LRRC9: variants seen among roughly 807,000 people sequenced by gnomAD.
The protein encoded by LRRC9 is leucine-rich repeat-containing protein 9.
In LRRC9, 122 loss-of-function variants were observed where a neutral mutation model predicts 63.2. The observed-to-expected ratio is 1.93, with a 90% CI of 1.67 to 2.24. The LOEUF (loss-of-function observed/expected upper bound fraction) is 2.24, where lower values mean the gene tolerates loss of function less well. Among genes scored for constraint, LRRC9 ranks in the 30% most tolerant of loss-of-function variants. The pLI is 0.00. For synonymous variants in LRRC9, 366 were observed against 213.1 expected, an observed-to-expected ratio of 1.72 and a Z score of -6.25; for missense variants, 1,071 against 627.7, an observed-to-expected ratio of 1.71 and a Z score of -7.55.
intron 17 of LRRC9, among the ~76,000 whole-genome samples, chr14:59,994,203 T>C (rs1401843406): frequency 6.6e-6 from 1 of 151,700 alleles, no homozygotes; most frequent in Non-Finnish European, 1.5e-5. Context: ...GGGCAAAGGA[T>C]ATGAACAGAC....
At chr14:60,014,442 CTGG>C (rs1205010003) in intron 23 of LRRC9, among the ~76,000 whole-genome samples, 1 of 151,404 alleles carries the variant, frequency 6.6e-6, no homozygotes, top group Non-Finnish European at 1.5e-5. Flanking sequence ...GGTAGTTCTG[CTGG>C]TAACAGTTTG....
chr14:60,019,500 A>G (rs542021128), intron 26 of LRRC9, among the ~76,000 whole-genome samples: 12 of 152,038 alleles, frequency 7.9e-5, no homozygotes, highest in Admixed American at 3.3e-4. Flanking sequence ...GAATAAAGGG[A>G]AAAAACCAAA....
At position 59,984,206 on chromosome 14, in the gene LRRC9, C is replaced by T. The variant is rs566754252; in HGVS notation, c.2092-899C>T. On this transcript the variant is annotated intron_variant, in intron 16 of 31. Coordinates refer to ENST00000445360, the Ensembl canonical transcript of LRRC9. Reference sequence around the variant, plus strand: ...TATCATGGATGATACCCATATGTGACTTGTAAAATCACTAGTCTGCATAAA... The same window carrying T: ...TATCATGGATGATACCCATATGTGATTTGTAAAATCACTAGTCTGCATAAA... 1.1e-4 allele frequency among the ~76,000 whole-genome samples: 16 copies of T among 152,276 alleles called. No individual in the cohort carries two copies. In the South Asian group the frequency reaches 3.3e-3, roughly 32 times the overall value.
At chr14:59,943,255 C>T (rs943403620) in intron 7 of LRRC9, among the ~76,000 whole-genome samples, 1 of 151,974 alleles carries the variant, frequency 6.6e-6, no homozygotes, top group Non-Finnish European at 1.5e-5. Context: ...AGTATTTTCT[C>T]TCTTTTCTTC....
chr14:59,931,742 A>G (rs1889720835), intron 5 of LRRC9, 60 bp downstream of exon 5: 1 of 643,778 alleles, frequency 1.6e-6, no homozygotes. Context: ...ATCAATATAA[A>G]AAGTACATGC....
chr14:60,028,446 C>G, intron 28 of LRRC9, among the ~76,000 whole-genome samples: 1 of 152,050 alleles, frequency 6.6e-6, no homozygotes, highest in East Asian at 1.9e-4. Flanking sequence ...CCTTTGGCCC[C>G]TTAAACTTGT....
chr14:60,022,462 C>T (rs1283230799), intron 26 of LRRC9, among the ~76,000 whole-genome samples: 2 of 151,640 alleles, frequency 1.3e-5, no homozygotes, highest in African/African-American at 2.4e-5. Context: ...TACTCCTTTC[C>T]AATCTGGATG....
intron 26 of LRRC9, among the ~76,000 whole-genome samples, chr14:60,020,298 T>C (rs1310076893): frequency 6.6e-6 from 1 of 151,956 alleles, no homozygotes; most frequent in Non-Finnish European, 1.5e-5. Context: ...TATTTCATTT[T>C]ATTGCCGAAT....
At chr14:59,939,074 CAT>C (rs984650035) in intron 7 of LRRC9, among the ~76,000 whole-genome samples, 2 of 147,220 alleles carry the variant, frequency 1.4e-5, no homozygotes, top group African/African-American at 5.0e-5. Flanking sequence ...CGTATATACA[CAT>C]ATATACACAT....
Position 60,037,393 on chromosome 14 carries a change from G to A in LRRC9, c.3990+5330G>A, listed in dbSNP as rs571400310. ...TTACAGTCCCACCAACAGGGTAAAA[G>A]CGTTCCTATTTCTCCATATCCTCTC... On this transcript the variant is annotated intron_variant, in intron 29 of 31. Coordinates refer to ENST00000445360, the Ensembl canonical transcript of LRRC9. Among the ~76,000 whole-genome samples, 203 of 152,294 alleles carry A rather than the reference G, an allele frequency of 1.3e-3. 1 individual carries two copies. Among genetic ancestry groups the A allele is most frequent in the Non-Finnish European group, 2.4e-3 (164 of 68,034 alleles).
At chr14:59,992,418 A>G (rs754961546) in intron 17 of LRRC9, among the ~76,000 whole-genome samples, 1 of 152,218 alleles carries the variant, frequency 6.6e-6, no homozygotes, top group Non-Finnish European at 1.5e-5. Context: ...TTCTCGTCCA[A>G]AGGAACGCAG....
chr14:59,970,552 T>C (rs921991463), intron 12 of LRRC9, among the ~76,000 whole-genome samples: 2 of 152,210 alleles, frequency 1.3e-5, no homozygotes, highest in African/African-American at 4.8e-5. Context: ...CCATCAACAG[T>C]GTATAAGCAT....
chr14:59,997,566 G>T lies in LRRC9; in HGVS notation c.2212-90G>T, dbSNP rs781741106. On this transcript the variant is annotated intron_variant, in intron 17 of 31. Coordinates refer to ENST00000445360, the Ensembl canonical transcript of LRRC9. ...TGTCCTGTGAGGATTACCAGGAAGT[G>T]TGTAAAGTATGTAAAGAACCACAGA... The T allele has an allele frequency of 1.5e-5, 9 of 586,080 alleles. No homozygotes were observed. The African/African-American group carries it at 1.7e-4, about 11-fold the overall frequency. 36.3% of individuals were successfully genotyped at this position (586,080 alleles called of 1,614,324 possible). A position where few individuals can be genotyped will look rare whatever the true frequency, so the allele number is the denominator to read the frequency against.
intron 21 of LRRC9, among the ~76,000 whole-genome samples, chr14:60,005,950 G>C (rs1049893591): frequency 6.6e-6 from 1 of 152,028 alleles, no homozygotes; most frequent in African/African-American, 2.4e-5. Context: ...GTAAAAGTAG[G>C]CTAGATTGTT....
chr14:60,037,598 C>A (rs1019809273), intron 29 of LRRC9, among the ~76,000 whole-genome samples: 3 of 152,158 alleles, frequency 2.0e-5, no homozygotes, highest in Admixed American at 2.0e-4. Context: ...CCTTTGCCCA[C>A]TTTTTGATGG....
At chr14:60,022,969 C>T (rs562051778) in intron 27 of LRRC9, 99 bp downstream of exon 27, 60 of 418,254 alleles carry the variant, frequency 1.4e-4, no homozygotes, top group African/African-American at 1.1e-3. Context: ...AGTATTTACT[C>T]AAACATTCAT....
At chr14:59,931,935 A>G (rs1307560386) in intron 5 of LRRC9, 34 bp from the exon 6 acceptor site, 1 of 695,644 alleles carries the variant, frequency 1.4e-6, no homozygotes, top group Non-Finnish European at 2.6e-6. Context: ...ACAGAAGGTA[A>G]AATAATTGAA....
At chr14:59,982,977 G>C (rs1001921293) in intron 16 of LRRC9, among the ~76,000 whole-genome samples, 1 of 152,120 alleles carries the variant, frequency 6.6e-6, no homozygotes, top group Non-Finnish European at 1.5e-5. Context: ...TGGAAATCAG[G>C]TTACTTATTA....
Position 59,932,102 on chromosome 14 carries a change from A to G in LRRC9, c.543+63A>G. On this transcript the variant is annotated intron_variant, in intron 6 of 31. Coordinates refer to ENST00000445360, the Ensembl canonical transcript of LRRC9. The surrounding 1 kb of genome is among the most constrained non-coding windows in gnomAD (Gnocchi z 4.7). ...CCTGAATCATGAACCATTGTGTTGCAGAAACTGTACTAAAAAGTCCCCCAT... is the reference window on the plus strand; with the variant it reads ...CCTGAATCATGAACCATTGTGTTGCGGAAACTGTACTAAAAAGTCCCCCAT... 1.5e-6 allele frequency: 1 copy of G among 669,290 alleles called. No homozygotes were observed. Among genetic ancestry groups the G allele is most frequent in the Non-Finnish European group, 2.7e-6 (1 of 371,922 alleles). 41.5% of individuals were successfully genotyped at this position (669,290 alleles called of 1,614,324 possible).
Sources: allele counts gnomAD v4.1 joint callset (sites outside exome capture counted in the v4.1 genomes callset), GRCh38; gene constraint gnomAD v4.1.1; non-coding constraint Gnocchi (gnomAD v3.1); transcripts MANE v1.5; gene names NCBI Gene and HGNC (gene_info 2026-07-23, HGNC 2026-07-21).